UBD: variants seen among roughly 807,000 people sequenced by gnomAD.
UBD encodes ubiquitin D.
Under a neutral mutation model 2.3 loss-of-function variants are expected in UBD, and 1 was observed. The observed-to-expected ratio is 0.43, with a 90% CI of 0.15 to 2.06. The LOEUF (loss-of-function observed/expected upper bound fraction) is 2.06, where lower values mean the gene tolerates loss of function less well. UBD is among the 30% of genes most tolerant of loss of function. The probability of loss-of-function intolerance (pLI) is 0.29; values close to 1 mark genes in which losing one functional copy is unlikely to be tolerated. For synonymous variants in UBD, 75 were observed against 76.5 expected, an observed-to-expected ratio of 0.98 and a Z score of 0.10; for missense variants, 175 against 199.3, an observed-to-expected ratio of 0.88 and a Z score of 0.73.
At chr6:29,558,023 G>A (rs941893580) in intron 1 of UBD, among the ~76,000 whole-genome samples, 3 of 152,152 alleles carry the variant, frequency 2.0e-5, no homozygotes, top group African/African-American at 7.2e-5. Flanking sequence ...GCCTCATGAA[G>A]ATACTCATAG....
chr6:29,555,664 TACATTAGTAAAAATCATGTC>T lies in UBD; in HGVS notation c.*196_*215del. 1 of 568,046 alleles carries T rather than the reference TACATTAGTAAAAATCATGTC, an allele frequency of 1.8e-6. No individual in the cohort carries two copies. The highest frequency in any genetic ancestry group is 3.1e-6 in the Non-Finnish European group (1 of 322,594). The allele number at this position is 568,046 out of a possible 1,614,324, so 35.2% of individuals were successfully genotyped here. The stretch of plus-strand genomic sequence containing the variant: ...AAAATTTATTTACTAGTCTCAGTAA[TACATTAGTAAAAATCATGTC>T]ACTTAATTAATTGTGTTAGAATCAA... On this transcript the variant is annotated 3_prime_UTR_variant, in exon 2 of 2. Transcript: ENST00000377050.
In UBD at chr6:29,555,936, AATC is replaced by A; in HGVS notation, c.439_441del (p.Asp147del). On this transcript the variant is annotated inframe_deletion, in exon 2 of 2. Coordinates refer to ENST00000377050, the MANE Select transcript of UBD (RefSeq NM_006398.4). ...AGTAAGTTGCCCTTTCTGATGCCGTAATCTGCCATCATCTTCCCATCTTCCAGT... is the reference window on the plus strand; with the variant it reads ...AGTAAGTTGCCCTTTCTGATGCCGTATGCCATCATCTTCCCATCTTCCAGT... 6.2e-7 allele frequency: 1 copy of A among 1,613,094 alleles called. No individual in the cohort carries two copies. The highest frequency in any genetic ancestry group is 1.1e-5 in the South Asian group (1 of 91,070).
At chr6:29,559,490 C>A (rs64036) in intron 1 of UBD, among the ~76,000 whole-genome samples, 185 bp downstream of exon 1, 20,030 of 152,128 alleles carry the variant, frequency 0.13, 2,972 homozygotes, top group African/African-American at 0.37. Context: ...AGCCAGATAA[C>A]CAGCTTCTCT....
At chr6:29,559,600 C>T (rs192689714) in intron 1 of UBD, 75 bp downstream of exon 1, 1 of 1,553,186 alleles carries the variant, frequency 6.4e-7, no homozygotes, top group Non-Finnish European at 8.9e-7. Context: ...TGCCCAGCCC[C>T]CGTTTCTAAG....
rs778313084 is a variant in UBD at position 29,556,035 on chromosome 6, C to T, written c.343G>A (p.Val115Met). The T allele has an allele frequency of 3.7e-6, 6 of 1,613,112 alleles. No homozygotes were observed. In the East Asian group the frequency reaches 8.9e-5, roughly 24 times the overall value. Reference protein sequence around the residue: ...QVRRSSSVAQVKAMIETKTGI... With the variant: ...QVRRSSSVAQMKAMIETKTGI... ...GTCTTAGTCTCGATCATTGCTTTCA[C>T]TTGTGCCACTGAGCTGGACCTTCGC... The change falls in exon 2 of 2, where the codon GTG becomes ATG. Residue 115 changes from valine to methionine, a missense_variant. Transcript: ENST00000377050.
intron 1 of UBD, chr6:29,556,682 G>A: frequency 3.4e-6 from 1 of 290,542 alleles, no homozygotes; most frequent in Non-Finnish European, 6.4e-6. Context: ...TTGGGCCAAG[G>A]GTGGTGGCTT....
Position 29,559,689 on chromosome 6 carries a change from C to T in UBD, c.13G>A (p.Ala5Thr). The change falls in exon 1 of 2, where the codon GCT (alanine) becomes ACT (threonine). Residue 5 changes from alanine to threonine, a missense_variant. Physicochemically the swap from Ala to Thr is moderately conservative, Grantham distance 58. Transcript: ENST00000377050. ...TCCCAACTTACACAGAGGCAGGAAG[C>T]ATTGGGAGCCATCTCTGCAGACAAG... Reference protein sequence around the residue: MAPNASCLCVHVRSE... With the variant: MAPNTSCLCVHVRSE... 1 of 1,613,028 alleles carries T rather than the reference C, an allele frequency of 6.2e-7. No homozygotes were observed. Among genetic ancestry groups the T allele is most frequent in the African/African-American group, 1.3e-5 (1 of 75,014 alleles).
At chr6:29,558,457 C>T (rs556722235) in intron 1 of UBD, among the ~76,000 whole-genome samples, 1 of 152,196 alleles carries the variant, frequency 6.6e-6, no homozygotes, top group African/African-American at 2.4e-5. Flanking sequence ...CACAGGCATT[C>T]GAGCCAGCAA....
chr6:29,558,088 A>G (rs1264332416), intron 1 of UBD, among the ~76,000 whole-genome samples: 1 of 152,238 alleles, frequency 6.6e-6, no homozygotes, highest in Non-Finnish European at 1.5e-5. Flanking sequence ...AGGACACATA[A>G]TCACTGAACT....
intron 1 of UBD, 117 bp from the exon 2 acceptor site, chr6:29,556,467 C>CA (rs1762528975): frequency 1.5e-6 from 1 of 670,066 alleles, no homozygotes; most frequent in Non-Finnish European, 2.5e-6. Flanking sequence ...AGCTCCTATT[C>CA]AGTAGCCAGT....
intron 1 of UBD, among the ~76,000 whole-genome samples, chr6:29,559,473 A>G (rs940744478): frequency 2.0e-5 from 3 of 152,216 alleles, no homozygotes; most frequent in African/African-American, 7.2e-5. Flanking sequence ...TTAAAAAAGA[A>G]CACAGAAGCC....
chr6:29,559,653 C>G (rs754308384), intron 1 of UBD, 22 bp downstream of exon 1: 31 of 1,612,832 alleles, frequency 1.9e-5, no homozygotes, highest in Admixed American at 3.3e-5. Context: ...TTCCCCATCC[C>G]CTTTATCAAA....
rs761653098 is a variant in UBD at position 29,555,934 on chromosome 6, G to A, written c.444C>T (p.Tyr148=). 2.0e-5 allele frequency: 33 copies of A among 1,612,898 alleles called. No homozygotes were observed. Among genetic ancestry groups the A allele is most frequent in the Middle Eastern group, 3.3e-4 (2 of 6,084 alleles). ...RLEDGKMMAD[Y]GIRKGNLLFL... ...AGAGTAAGTTGCCCTTTCTGATGCC[G>A]TAATCTGCCATCATCTTCCCATCTT... The change falls in exon 2 of 2, where the codon TAC becomes TAT. Residue 148 remains tyrosine (Y), a synonymous_variant. Transcript: ENST00000377050.
At chr6:29,556,384 G>T (rs1166460292) in intron 1 of UBD, 34 bp from the exon 2 acceptor site, 23 of 1,552,440 alleles carry the variant, frequency 1.5e-5, no homozygotes, top group Non-Finnish European at 1.9e-5. Flanking sequence ...AGTTACCTAG[G>T]ATGCCTGCCT....
At chr6:29,558,245 C>G (rs948959539) in intron 1 of UBD, among the ~76,000 whole-genome samples, 2 of 152,122 alleles carry the variant, frequency 1.3e-5, no homozygotes. Context: ...TTTCCTAGGC[C>G]GACTAAGAAT....
Position 29,559,687 on chromosome 6 carries a change from A to G in UBD, c.15T>C (p.Ala5=). The change falls in exon 1 of 2, where the codon GCT becomes GCC. Residue 5 remains alanine, a synonymous_variant. Transcript: ENST00000377050. ...AATCCCAACTTACACAGAGGCAGGA[A>G]GCATTGGGAGCCATCTCTGCAGACA... MAPN[A]SCLCVHVRSE... is the part of the protein sequence containing the mutation. 6.2e-7 allele frequency: 1 copy of G among 1,613,066 alleles called. No homozygotes were observed. The highest frequency in any genetic ancestry group is 1.1e-5 in the South Asian group (1 of 91,068).
chr6:29,558,420 C>A (rs1016104138), intron 1 of UBD, among the ~76,000 whole-genome samples: 3 of 152,130 alleles, frequency 2.0e-5, no homozygotes, highest in Non-Finnish European at 4.4e-5. Flanking sequence ...GAGATCACAG[C>A]GGGAGGGACA....
At chr6:29,559,549 T>C in intron 1 of UBD, 126 bp downstream of exon 1, 1 of 887,246 alleles carries the variant, frequency 1.1e-6, no homozygotes, top group African/African-American at 1.7e-5. Flanking sequence ...CAGCCTCTTC[T>C]CCTGAAGGAT....
chr6:29,557,354 T>G (rs896165178), intron 1 of UBD: 3 of 152,166 alleles, frequency 2.0e-5, no homozygotes, highest in Non-Finnish European at 2.9e-5. Flanking sequence ...AAAAGACTGA[T>G]TTCAGTAATT....
Sources: gnomAD v4.1 joint callset for allele counts (sites outside exome capture counted in the v4.1 genomes callset) on GRCh38, gnomAD v4.1.1 for gene constraint, MANE v1.5 for transcripts, NCBI Gene and HGNC (gene_info 2026-07-23, HGNC 2026-07-21) for gene names.